RCAN2: variants seen among roughly 807,000 people sequenced by gnomAD.
RCAN2 encodes the protein calcipressin-2.
In RCAN2, 9 loss-of-function variants were observed where a neutral mutation model predicts 23.6. The ratio of observed to expected loss-of-function variants is 0.38; its 90% CI spans 0.23 to 0.67. The LOEUF (loss-of-function observed/expected upper bound fraction) is 0.67, where lower values mean the gene tolerates loss of function less well. RCAN2 is among the 30% of genes least tolerant of loss of function. RCAN2 has a pLI of 0.51. For synonymous variants in RCAN2, 109 were observed against 115.7 expected, an observed-to-expected ratio of 0.94 and a Z score of 0.37; for missense variants, 273 against 302.3, an observed-to-expected ratio of 0.90 and a Z score of 0.72.
intron 4 of RCAN2, among the ~76,000 whole-genome samples, chr6:46,226,280 G>A (rs942077140): frequency 5.3e-5 from 8 of 152,036 alleles, no homozygotes; most frequent in East Asian, 1.9e-4. Flanking sequence ...CTCTTTTTTC[G>A]TTCCATATGA....
intron 2 of RCAN2, among the ~76,000 whole-genome samples, chr6:46,384,078 G>T (rs1429898231): frequency 1.3e-5 from 2 of 152,186 alleles, no homozygotes; most frequent in African/African-American, 4.8e-5. Context: ...TCTCCTTTCT[G>T]TTGCCAGCAG....
intron 2 of RCAN2, among the ~76,000 whole-genome samples, chr6:46,302,915 CA>C (rs1182601495): frequency 1.3e-5 from 2 of 152,038 alleles, no homozygotes; most frequent in East Asian, 3.9e-4. Flanking sequence ...GTCACATAGA[CA>C]GTAAGTATTA....
At chr6:46,442,681 C>A (rs562694835) in intron 2 of RCAN2, among the ~76,000 whole-genome samples, 27 of 152,290 alleles carry the variant, frequency 1.8e-4, no homozygotes, top group Non-Finnish European at 3.8e-4. Context: ...CACCAAGTGT[C>A]ATCAAGAATA....
chr6:46,253,893 G>A (rs745952596), intron 2 of RCAN2, among the ~76,000 whole-genome samples: 1 of 152,156 alleles, frequency 6.6e-6, no homozygotes, highest in Non-Finnish European at 1.5e-5. Context: ...ATGCTGTACA[G>A]GTTTGTAGCC....
At chr6:46,355,243 C>T (rs1463387025) in intron 2 of RCAN2, among the ~76,000 whole-genome samples, 1 of 152,196 alleles carries the variant, frequency 6.6e-6, no homozygotes, top group Non-Finnish European at 1.5e-5. Context: ...TTTTGGATCA[C>T]AGGCCACTTT....
chr6:46,309,298 C>T (rs1763178234), intron 2 of RCAN2, among the ~76,000 whole-genome samples: 1 of 152,168 alleles, frequency 6.6e-6, no homozygotes, highest in African/African-American at 2.4e-5. Context: ...AAGGGCCATC[C>T]TGTAATTTGA....
chr6:46,341,940 A>G (rs1764332582), intron 2 of RCAN2, among the ~76,000 whole-genome samples: 2 of 152,246 alleles, frequency 1.3e-5, no homozygotes, highest in South Asian at 2.1e-4. Context: ...AGGGAAATGC[A>G]CAAGAAGGCT....
At chr6:46,357,876 C>T (rs368415685) in intron 2 of RCAN2, among the ~76,000 whole-genome samples, 2 of 152,168 alleles carry the variant, frequency 1.3e-5, no homozygotes, top group South Asian at 2.1e-4. Context: ...AAAGTACTTT[C>T]GCTTTCACCT....
chr6:46,438,793 G>A (rs1767444208), intron 2 of RCAN2, among the ~76,000 whole-genome samples: 1 of 152,116 alleles, frequency 6.6e-6, no homozygotes, highest in South Asian at 2.1e-4. Flanking sequence ...TAAGCTTCAT[G>A]AGGGCTTGCA....
intron 1 of RCAN2, among the ~76,000 whole-genome samples, chr6:46,464,719 G>A (rs1268061922): frequency 6.6e-6 from 1 of 152,096 alleles, no homozygotes; most frequent in African/African-American, 2.4e-5. Flanking sequence ...TATCATTTGG[G>A]ATCAGTCTTG....
At chr6:46,321,345 C>T (rs989330575) in intron 2 of RCAN2, among the ~76,000 whole-genome samples, 7 of 152,286 alleles carry the variant, frequency 4.6e-5, no homozygotes, top group Non-Finnish European at 5.9e-5. Flanking sequence ...AGGGCAGGGA[C>T]GTTTATCGAA....
intron 2 of RCAN2, among the ~76,000 whole-genome samples, chr6:46,329,932 A>G (rs1315051639): frequency 2.6e-5 from 4 of 152,200 alleles, no homozygotes; most frequent in African/African-American, 4.8e-5. Context: ...ACACCTTCCA[A>G]TCCCAGAGGA....
At chr6:46,317,167 T>C (rs545235385) in intron 2 of RCAN2, among the ~76,000 whole-genome samples, 1 of 152,322 alleles carries the variant, frequency 6.6e-6, no homozygotes, top group African/African-American at 2.4e-5. Flanking sequence ...AGGGAAACCC[T>C]TGCATTTTCC....
intron 2 of RCAN2, among the ~76,000 whole-genome samples, chr6:46,288,365 G>A (rs1479248341): frequency 6.6e-6 from 1 of 152,226 alleles, no homozygotes; most frequent in Non-Finnish European, 1.5e-5. Flanking sequence ...CCAGGCACCA[G>A]CAAGTAAGGT....
chr6:46,257,087 G>A (rs966820862), intron 2 of RCAN2, among the ~76,000 whole-genome samples: 2 of 152,132 alleles, frequency 1.3e-5, no homozygotes, highest in Non-Finnish European at 2.9e-5. Context: ...AACAAGCAGC[G>A]ATTGGTCTGT....
At chr6:46,274,644 G>A (rs1456971060) in intron 2 of RCAN2, among the ~76,000 whole-genome samples, 1 of 152,192 alleles carries the variant, frequency 6.6e-6, no homozygotes. Flanking sequence ...CACCTGGAGA[G>A]GGAGGAGTGA....
At chr6:46,448,003 A>G (rs556306040) in intron 2 of RCAN2, among the ~76,000 whole-genome samples, 112 of 151,830 alleles carry the variant, frequency 7.4e-4, no homozygotes, top group Non-Finnish European at 6.3e-4. Context: ...CAGAAAATAA[A>G]TAAATGAAAT....
chr6:46,397,372 AACACACACACACAC>A (rs58494804), intron 2 of RCAN2, among the ~76,000 whole-genome samples: 2 of 146,138 alleles, frequency 1.4e-5, no homozygotes, highest in African/African-American at 2.6e-5. Flanking sequence ...ATTTCACAGA[AACACACACACACAC>A]ACACACACAC....
At chr6:46,328,984 A>G (rs1763878771) in intron 2 of RCAN2, among the ~76,000 whole-genome samples, 1 of 152,142 alleles carries the variant, frequency 6.6e-6, no homozygotes, top group South Asian at 2.1e-4. Context: ...ACTTTGGCCA[A>G]TGGCTACAAG....
Sources: gnomAD v4.1 joint callset for allele counts (sites outside exome capture counted in the v4.1 genomes callset) on GRCh38, gnomAD v4.1.1 for gene constraint, MANE v1.5 for transcripts, NCBI Gene and HGNC (gene_info 2026-07-23, HGNC 2026-07-21) for gene names.